The following GPATCH8 variants were observed in gnomAD, a reference collection of about 807,000 sequenced individuals.
GPATCH8 encodes G patch domain-containing protein 8.
A neutral mutation model predicts 118.3 loss-of-function variants in GPATCH8; 18 were observed. The ratio of observed to expected loss-of-function variants is 0.15; its 90% confidence interval spans 0.11 to 0.23. The LOEUF is 0.23. Ranked by LOEUF, GPATCH8 falls within the 10% of genes least tolerant of loss-of-function variation. The pLI is 1.00. For missense variants in GPATCH8, 1,631 were observed against 1,873.8 expected (o/e 0.87, Z 2.39); for synonymous variants, 659 against 684.7 (o/e 0.96, Z 0.59).
intron 1 of GPATCH8, among the ~76,000 whole-genome samples, chr17:44,492,925 TA>T (rs1969372176): frequency 6.6e-6 from 1 of 152,104 alleles, no homozygotes; most frequent in Admixed American, 6.6e-5. Context: ...AGGTACTCAC[TA>T]ATGTTTGGAA....
intron 2 of GPATCH8, chr17:44,464,957 T>G (rs1320112127): frequency 3.2e-5 from 6 of 187,084 alleles, no homozygotes; most frequent in African/African-American, 1.2e-4. Context: ...AAAGAAAATC[T>G]ACACTGTGTT....
At chr17:44,500,437 T>C (rs1309350279) in intron 1 of GPATCH8, among the ~76,000 whole-genome samples, 2 of 152,222 alleles carry the variant, frequency 1.3e-5, no homozygotes, top group Non-Finnish European at 2.9e-5. Flanking sequence ...CTGATAATTA[T>C]TAATCTCTAT....
intron 2 of GPATCH8, among the ~76,000 whole-genome samples, chr17:44,468,675 T>G (rs1967019949): frequency 6.6e-6 from 1 of 152,028 alleles, no homozygotes; most frequent in South Asian, 2.1e-4. Flanking sequence ...AATATATAAT[T>G]TGGGGTTTAA....
intron 6 of GPATCH8, among the ~76,000 whole-genome samples, chr17:44,406,746 G>A (rs960778554): frequency 1.3e-5 from 2 of 152,166 alleles, no homozygotes; most frequent in African/African-American, 2.4e-5. Context: ...TCCAGGGGAT[G>A]AGGAGGGAGA....
At chr17:44,489,290 A>G (rs1376162303) in intron 1 of GPATCH8, among the ~76,000 whole-genome samples, 1 of 151,834 alleles carries the variant, frequency 6.6e-6, no homozygotes, top group Non-Finnish European at 1.5e-5. Context: ...GTCTTTGGGA[A>G]GGTTAACTAA....
At chr17:44,467,824 G>A (rs1320011191) in intron 2 of GPATCH8, among the ~76,000 whole-genome samples, 1 of 152,134 alleles carries the variant, frequency 6.6e-6, no homozygotes, top group African/African-American at 2.4e-5. Context: ...GCTAACACAA[G>A]GAGGCACACC....
intron 5 of GPATCH8, among the ~76,000 whole-genome samples, chr17:44,433,157 T>A (rs1598477660): frequency 6.6e-6 from 1 of 152,246 alleles, no homozygotes; most frequent in African/African-American, 2.4e-5. Context: ...GGAGAGAGCA[T>A]CTCAAGATAC....
In GPATCH8 at chr17:44,396,916, C is replaced by T; in HGVS notation, c.*652G>A. 1 of 454,124 alleles carries T rather than the reference C, an allele frequency of 2.2e-6. No homozygotes were observed. The highest frequency in any genetic ancestry group is 1.6e-5 in the South Asian group (1 of 64,474). The allele number at this position is 454,124 out of a possible 1,614,324, so 28.1% of individuals were successfully genotyped here. On this transcript the variant is annotated 3_prime_UTR_variant, in exon 8 of 8. Coordinates refer to ENST00000591680, the MANE Select transcript of GPATCH8 (RefSeq NM_001002909.4). Reference sequence around the variant, plus strand: ...TCTTCTTTTCTGGGATATGGAGATGCCTCTTCTGGGATGAGGGATACCAAG... The same window carrying T: ...TCTTCTTTTCTGGGATATGGAGATGTCTCTTCTGGGATGAGGGATACCAAG...
At chr17:44,436,174 C>A (rs2050508622) in intron 4 of GPATCH8, among the ~76,000 whole-genome samples, 1 of 151,824 alleles carries the variant, frequency 6.6e-6, no homozygotes, top group Non-Finnish European at 1.5e-5. Context: ...AAGAGCTGAG[C>A]AACACTGCCT....
At chr17:44,476,978 C>T (rs998773027) in intron 1 of GPATCH8, among the ~76,000 whole-genome samples, 2 of 152,146 alleles carry the variant, frequency 1.3e-5, no homozygotes, top group Non-Finnish European at 2.9e-5. Flanking sequence ...TATAGGGCAT[C>T]AGGATTTGTG....
intron 1 of GPATCH8, among the ~76,000 whole-genome samples, chr17:44,490,993 G>T (rs902344576): frequency 6.6e-6 from 1 of 152,146 alleles, no homozygotes; most frequent in East Asian, 1.9e-4. Context: ...TGATTCTGAC[G>T]TCTACATAAT....
intron 3 of GPATCH8, among the ~76,000 whole-genome samples, chr17:44,463,950 C>T (rs145382268): frequency 1.3e-5 from 2 of 152,274 alleles, no homozygotes; most frequent in African/African-American, 4.8e-5. Flanking sequence ...TCAAAAACCT[C>T]TGCTTTCATT....
chr17:44,429,460 A>T (rs11079137), intron 5 of GPATCH8, among the ~76,000 whole-genome samples: 1 of 151,798 alleles, frequency 6.6e-6, no homozygotes, highest in Admixed American at 6.6e-5. Context: ...TCTGGAGAAA[A>T]TCTTGTGTGT....
At chr17:44,410,936 T>C (rs757022129) in intron 6 of GPATCH8, among the ~76,000 whole-genome samples, 2 of 152,188 alleles carry the variant, frequency 1.3e-5, no homozygotes, top group African/African-American at 2.4e-5. Flanking sequence ...TTCCAGTTCT[T>C]AAAACATAAC....
intron 1 of GPATCH8, among the ~76,000 whole-genome samples, chr17:44,476,974 G>A (rs2144392731): frequency 6.6e-6 from 1 of 152,182 alleles, no homozygotes; most frequent in African/African-American, 2.4e-5. Context: ...AAAATATAGG[G>A]CATCAGGATT....
chr17:44,454,994 C>T (rs2051271744), intron 3 of GPATCH8, among the ~76,000 whole-genome samples: 2 of 152,172 alleles, frequency 1.3e-5, no homozygotes, highest in Admixed American at 1.3e-4. Flanking sequence ...TCAAATACAC[C>T]AGCTCTGTGT....
intron 1 of GPATCH8, among the ~76,000 whole-genome samples, chr17:44,481,687 A>T (rs528296615): frequency 6.6e-6 from 1 of 152,268 alleles, no homozygotes; most frequent in Admixed American, 6.5e-5. Context: ...TTGTACTTAA[A>T]TTTTTTGAAA....
chr17:44,477,321 G>A (rs1441398413), intron 1 of GPATCH8, among the ~76,000 whole-genome samples: 1 of 152,178 alleles, frequency 6.6e-6, no homozygotes, highest in Non-Finnish European at 1.5e-5. Context: ...AAAATTGTGT[G>A]GCAGTGATGA....
intron 1 of GPATCH8, among the ~76,000 whole-genome samples, chr17:44,478,586 C>T (rs1383912401): frequency 2.0e-5 from 3 of 151,844 alleles, no homozygotes; most frequent in Non-Finnish European, 4.4e-5. Flanking sequence ...TCACTTCAGC[C>T]CAGGGGTTCA....
Sources: allele counts gnomAD v4.1 joint callset (sites outside exome capture counted in the v4.1 genomes callset), GRCh38; gene constraint gnomAD v4.1.1; transcripts MANE v1.5; gene names NCBI Gene and HGNC (gene_info 2026-07-23, HGNC 2026-07-21).